The following RANBP2 variants were observed in gnomAD, a reference collection of about 807,000 sequenced individuals.
RANBP2 encodes the protein E3 SUMO-protein ligase RanBP2.
In RANBP2, 57 loss-of-function variants were observed where a neutral mutation model predicts 303.6. The observed-to-expected ratio is 0.19, with a 90% CI of 0.15 to 0.23. RANBP2 has a LOEUF of 0.23. Among genes scored for constraint, RANBP2 ranks in the 10% least tolerant of loss-of-function variants. RANBP2 has a pLI of 1.00. For missense variants in RANBP2, 3,138 were observed against 3,780.8 expected, an observed-to-expected ratio of 0.83 and a Z score of 4.46; for synonymous variants, 1,167 against 1,301.5, an observed-to-expected ratio of 0.90 and a Z score of 2.23.
the RANBP2 span, among the ~76,000 whole-genome samples, chr2:109,608,331 T>G: frequency 6.6e-6 from 1 of 152,200 alleles, no homozygotes; most frequent in Admixed American, 6.5e-5. Flanking sequence ...TACCTAATAT[T>G]TCACAATTTG....
At chr2:108,904,913 T>C in the RANBP2 span, among the ~76,000 whole-genome samples, 3 of 152,172 alleles carry the variant, frequency 2.0e-5, no homozygotes, top group Non-Finnish European at 2.9e-5. Flanking sequence ...AGTGTCCTGG[T>C]TGTGACTTCT....
chr2:109,570,540 T>C, the RANBP2 span, among the ~76,000 whole-genome samples: 11 of 151,206 alleles, frequency 7.3e-5, 1 homozygote, highest in South Asian at 6.3e-4. Context: ...TTTTTTTTTT[T>C]CCAAGACGGA....
chr2:108,915,829 G>A, the RANBP2 span, among the ~76,000 whole-genome samples: 4 of 152,178 alleles, frequency 2.6e-5, no homozygotes, highest in East Asian at 1.9e-4. Flanking sequence ...CCCGGGAGGC[G>A]GAGGTTGCAG....
the RANBP2 span, among the ~76,000 whole-genome samples, chr2:109,226,099 A>G: frequency 8.5e-5 from 13 of 152,338 alleles, no homozygotes; most frequent in African/African-American, 3.1e-4. Flanking sequence ...GACTCAGGCT[A>G]AATCACTTGT....
At chr2:109,162,753 G>T in the RANBP2 span, among the ~76,000 whole-genome samples, 1 of 152,300 alleles carries the variant, frequency 6.6e-6, no homozygotes, top group East Asian at 1.9e-4. Flanking sequence ...ATAATGGGAT[G>T]GCTGGGTCAA....
At chr2:109,129,138 G>A in the RANBP2 span, 1 of 373,816 alleles carries the variant, frequency 2.7e-6, no homozygotes, top group Non-Finnish European at 5.2e-6. Flanking sequence ...GCCTCCCCGG[G>A]GACCTGGCCG....
chr2:109,650,084 T>C, the RANBP2 span, among the ~76,000 whole-genome samples: 62 of 152,322 alleles, frequency 4.1e-4, no homozygotes, highest in African/African-American at 1.4e-3. Context: ...CTTTTCTCAA[T>C]TGACTCACAG....
the RANBP2 span, chr2:109,574,723 T>C: frequency 3.5e-5 from 56 of 1,604,700 alleles, no homozygotes; most frequent in South Asian, 3.5e-4. Flanking sequence ...TTCTTGGAGA[T>C]AGGCCTCAAA....
At chr2:109,057,764 G>A in the RANBP2 span, among the ~76,000 whole-genome samples, 9 of 152,138 alleles carry the variant, frequency 5.9e-5, no homozygotes, top group South Asian at 2.1e-4. Flanking sequence ...CTCTTCCTTC[G>A]CCCCGCCCCG....
the RANBP2 span, among the ~76,000 whole-genome samples, chr2:109,706,275 G>A: frequency 1.3e-5 from 2 of 152,176 alleles, no homozygotes; most frequent in African/African-American, 2.4e-5. Flanking sequence ...ACGCAGATGC[G>A]GAGCCAAAGT....
the RANBP2 span, among the ~76,000 whole-genome samples, chr2:109,648,375 C>G: frequency 6.6e-6 from 1 of 152,040 alleles, no homozygotes; most frequent in Non-Finnish European, 1.5e-5. Context: ...TTTTTTGAGG[C>G]AGTTTCACTC....
At chr2:108,842,387 C>T in the RANBP2 span, among the ~76,000 whole-genome samples, 1 of 151,856 alleles carries the variant, frequency 6.6e-6, no homozygotes, top group East Asian at 1.9e-4. Flanking sequence ...CATGGCAAAC[C>T]TGGAGTCCAC....
the RANBP2 span, among the ~76,000 whole-genome samples, chr2:109,180,797 T>TC: frequency 3.9e-5 from 6 of 152,198 alleles, no homozygotes; most frequent in African/African-American, 1.4e-4. Context: ...CTCTGGTATG[T>TC]CTATCAGCAG....
chr2:109,740,412 A>C, the RANBP2 span, among the ~76,000 whole-genome samples: 1 of 152,214 alleles, frequency 6.6e-6, no homozygotes, highest in African/African-American at 2.4e-5. Flanking sequence ...AGAAATGAAC[A>C]GATTCAGCAG....
chr2:109,199,603 G>GTTCC, the RANBP2 span, among the ~76,000 whole-genome samples: 5 of 252 alleles, frequency 0.02, no homozygotes, highest in Non-Finnish European at 0.025. Flanking sequence ...GGAATGGAAT[G>GTTCC]GAATGGAATG....
At chr2:108,994,860 C>T in the RANBP2 span, among the ~76,000 whole-genome samples, 20 of 133,108 alleles carry the variant, frequency 1.5e-4, no homozygotes, top group South Asian at 2.3e-4. Flanking sequence ...GACAGAGTCT[C>T]GCTCTGTCGC....
the RANBP2 span, among the ~76,000 whole-genome samples, chr2:109,267,005 GAACA>G: frequency 2.0e-5 from 3 of 152,108 alleles, no homozygotes; most frequent in African/African-American, 7.2e-5. Context: ...AAGACTTGAA[GAACA>G]AACAATAATA....
At chr2:109,009,706 T>TC in the RANBP2 span, among the ~76,000 whole-genome samples, 2 of 97,244 alleles carry the variant, frequency 2.1e-5, no homozygotes, top group Non-Finnish European at 4.8e-5. Flanking sequence ...TTTTACCTTT[T>TC]TTTTGTTTTT....
the RANBP2 span, among the ~76,000 whole-genome samples, chr2:109,397,034 C>T: frequency 6.6e-6 from 1 of 152,214 alleles, no homozygotes; most frequent in South Asian, 2.1e-4. Flanking sequence ...TTCGGAAAGC[C>T]CTTTGGCCAC....
Sources: allele counts gnomAD v4.1 joint callset (sites outside exome capture counted in the v4.1 genomes callset), GRCh38; gene constraint gnomAD v4.1.1; transcripts MANE v1.5; gene names NCBI Gene and HGNC (gene_info 2026-07-23, HGNC 2026-07-21).